GRIK4: variants seen among roughly 807,000 people sequenced by gnomAD.
GRIK4 encodes the protein glutamate receptor ionotropic, kainate 4.
A neutral mutation model predicts 104.9 loss-of-function variants in GRIK4; 40 were observed. The observed-to-expected ratio is 0.38, with a 90% confidence interval of 0.30 to 0.50. The LOEUF (loss-of-function observed/expected upper bound fraction) is 0.50, where lower values mean the gene tolerates loss of function less well. GRIK4 is among the 20% of genes least tolerant of loss of function. GRIK4 has a pLI of 0.93. For synonymous variants in GRIK4, 485 were observed against 524.9 expected (o/e 0.92, Z 1.04); for missense variants, 1,047 against 1,308.1 (o/e 0.80, Z 3.08).
At chr11:120,951,007 G>A (rs190241602) in intron 14 of GRIK4, among the ~76,000 whole-genome samples, 1 of 152,180 alleles carries the variant, frequency 6.6e-6, no homozygotes, top group Non-Finnish European at 1.5e-5. Flanking sequence ...CTTGCAATTG[G>A]TATCAAAGGG....
intron 8 of GRIK4, among the ~76,000 whole-genome samples, chr11:120,842,896 A>G (rs11607580): frequency 0.21 from 32,271 of 152,228 alleles, 3,658 homozygotes; most frequent in African/African-American, 0.3. Flanking sequence ...GAGATGAAGG[A>G]GGAAGCTCAA....
chr11:120,544,688 C>T (rs1948068600), intron 1 of GRIK4, among the ~76,000 whole-genome samples: 1 of 152,134 alleles, frequency 6.6e-6, no homozygotes, highest in Non-Finnish European at 1.5e-5. Context: ...CACCCCCTAC[C>T]TTGTGATGTT....
intron 3 of GRIK4, among the ~76,000 whole-genome samples, chr11:120,723,552 G>A (rs1950969652): frequency 6.6e-6 from 1 of 152,202 alleles, no homozygotes; most frequent in Non-Finnish European, 1.5e-5. Context: ...GGAGAAAGTT[G>A]CTTGCCCAAG....
chr11:120,795,890 C>T (rs1193269886), intron 3 of GRIK4, among the ~76,000 whole-genome samples: 1 of 152,146 alleles, frequency 6.6e-6, no homozygotes, highest in African/African-American at 2.4e-5. Context: ...ATAACTTATG[C>T]ACATCCTCCC....
At position 120,666,160 on chromosome 11, in the gene GRIK4, A is replaced by T. The variant is rs117868271; in HGVS notation, c.82+5760A>T. 7.9e-5 allele frequency among the ~76,000 whole-genome samples: 12 copies of T among 152,338 alleles called. No individual in the cohort carries two copies. In the East Asian group the frequency reaches 2.3e-3, roughly 29 times the overall value. Reference sequence around the variant, plus strand: ...ACATTTGTGCCATGGTTTGTGGTGTATAGCGTGTTCTTACACACATGTTAA... The same window carrying T: ...ACATTTGTGCCATGGTTTGTGGTGTTTAGCGTGTTCTTACACACATGTTAA... On this transcript the variant is annotated intron_variant, in intron 3 of 20. Transcript: ENST00000527524.
At chr11:120,938,803 A>C (rs771542444) in intron 13 of GRIK4, among the ~76,000 whole-genome samples, 3 of 152,168 alleles carry the variant, frequency 2.0e-5, no homozygotes, top group African/African-American at 4.8e-5. Flanking sequence ...GGCTCTTAAC[A>C]ATTAGTACAG....
chr11:120,637,010 C>T (rs535401998), intron 1 of GRIK4, among the ~76,000 whole-genome samples: 38 of 152,264 alleles, frequency 2.5e-4, no homozygotes, highest in African/African-American at 7.0e-4. Context: ...CTGCCTGCTT[C>T]GGGTCTCTGA....
At chr11:120,918,805 G>A (rs530677131) in intron 13 of GRIK4, among the ~76,000 whole-genome samples, 2 of 152,222 alleles carry the variant, frequency 1.3e-5, no homozygotes, top group Non-Finnish European at 2.9e-5. Context: ...AAGCATTTCA[G>A]CCGGAGGAAG....
chr11:120,645,090 CTG>C (rs1324737995), intron 1 of GRIK4, among the ~76,000 whole-genome samples: 19 of 151,928 alleles, frequency 1.3e-4, no homozygotes, highest in African/African-American at 3.6e-4. Flanking sequence ...ATGTGTATGT[CTG>C]TGTGGATGTG....
At chr11:120,606,330 C>T (rs1948962341) in intron 1 of GRIK4, among the ~76,000 whole-genome samples, 2 of 152,174 alleles carry the variant, frequency 1.3e-5, no homozygotes, top group South Asian at 4.2e-4. Flanking sequence ...CCCTGACGGC[C>T]CAGTTGGCAT....
At chr11:120,911,874 T>C (rs2134533593) in intron 13 of GRIK4, among the ~76,000 whole-genome samples, 1 of 151,904 alleles carries the variant, frequency 6.6e-6, no homozygotes, top group South Asian at 2.1e-4. Context: ...GAAAAGGTTT[T>C]TCTCTTATAC....
intron 13 of GRIK4, among the ~76,000 whole-genome samples, chr11:120,919,815 C>G (rs147658708): frequency 6.6e-6 from 1 of 152,074 alleles, no homozygotes; most frequent in African/African-American, 2.4e-5. Flanking sequence ...GGGGAGACAA[C>G]AGGGAAGGGA....
At chr11:120,567,039 A>G (rs1948336685) in intron 1 of GRIK4, among the ~76,000 whole-genome samples, 2 of 124,520 alleles carry the variant, frequency 1.6e-5, no homozygotes, top group Non-Finnish European at 1.6e-5. Context: ...TGTAGTTGCT[A>G]TTCATAGGTG....
chr11:120,875,086 G>A, intron 10 of GRIK4, 53 bp from the exon 11 acceptor site: 6 of 1,126,214 alleles, frequency 5.3e-6, no homozygotes, highest in Non-Finnish European at 8.2e-6. Context: ...TTGCTTGGGG[G>A]CAAGTGTAAC....
At chr11:120,789,535 G>A (rs765934023) in intron 3 of GRIK4, among the ~76,000 whole-genome samples, 53 of 152,048 alleles carry the variant, frequency 3.5e-4, no homozygotes, top group Non-Finnish European at 6.6e-4. Flanking sequence ...TTCCCAACTC[G>A]TATTTCTGTT....
chr11:120,844,566 G>T (rs918499015), intron 8 of GRIK4, among the ~76,000 whole-genome samples: 7 of 152,174 alleles, frequency 4.6e-5, no homozygotes, highest in Non-Finnish European at 7.4e-5. Context: ...AGTAAGATAA[G>T]TCATCTCTTT....
At chr11:120,733,961 C>T (rs1459239381) in intron 3 of GRIK4, among the ~76,000 whole-genome samples, 1 of 152,142 alleles carries the variant, frequency 6.6e-6, no homozygotes, top group African/African-American at 2.4e-5. Flanking sequence ...TGGTCTTGAA[C>T]TCCTAACCTC....
chr11:120,901,219 C>T (rs1360301601), intron 12 of GRIK4, among the ~76,000 whole-genome samples: 1 of 152,128 alleles, frequency 6.6e-6, no homozygotes, highest in Non-Finnish European at 1.5e-5. Flanking sequence ...CTGCCCCTTA[C>T]CTTGGGACAT....
At chr11:120,912,713 G>A (rs1027778806) in intron 13 of GRIK4, among the ~76,000 whole-genome samples, 1 of 152,194 alleles carries the variant, frequency 6.6e-6, no homozygotes, top group African/African-American at 2.4e-5. Flanking sequence ...GTAGCTAGAG[G>A]GAGCTGTGGA....
Sources: allele counts gnomAD v4.1 joint callset (sites outside exome capture counted in the v4.1 genomes callset), GRCh38; gene constraint gnomAD v4.1.1; transcripts MANE v1.5; gene names NCBI Gene and HGNC (gene_info 2026-07-23, HGNC 2026-07-21).